ELMO1: variants seen among roughly 807,000 people sequenced by gnomAD.
The protein encoded by ELMO1 is engulfment and cell motility 1.
ELMO1 carries 26 observed loss-of-function variants against 98.9 expected under a neutral mutation model. The ratio of observed to expected loss-of-function variants is 0.26; its 90% confidence interval spans 0.19 to 0.36. ELMO1 has a LOEUF of 0.36. ELMO1 is among the 10% of genes least tolerant of loss of function. ELMO1 has a pLI of 1.00. For synonymous variants in ELMO1, 346 were observed against 346.0 expected, an observed-to-expected ratio of 1.00 and a Z score of 0.00; for missense variants, 627 against 935.2, an observed-to-expected ratio of 0.67 and a Z score of 4.30.
At chr7:37,027,093 C>T (rs1483271216) in intron 15 of ELMO1, among the ~76,000 whole-genome samples, 1 of 152,154 alleles carries the variant, frequency 6.6e-6, no homozygotes, top group African/African-American at 2.4e-5. Context: ...AGGCTCCCCA[C>T]AAGCTTCACC....
At chr7:37,033,442 T>C (rs1197920255) in intron 15 of ELMO1, 2 of 455,096 alleles carry the variant, frequency 4.4e-6, no homozygotes, top group South Asian at 1.6e-5. Flanking sequence ...TTATCATAAA[T>C]GTTGAGCGAA....
intron 20 of ELMO1, among the ~76,000 whole-genome samples, chr7:36,864,572 C>T (rs1802882574): frequency 6.6e-6 from 1 of 152,196 alleles, no homozygotes; most frequent in Non-Finnish European, 1.5e-5. Context: ...AGCTCTTCAG[C>T]ACTTGGAGCG....
intron 6 of ELMO1, among the ~76,000 whole-genome samples, chr7:37,246,729 T>A (rs1219542105): frequency 1.3e-5 from 2 of 152,052 alleles, no homozygotes; most frequent in Non-Finnish European, 2.9e-5. Flanking sequence ...GGCTTTGAGT[T>A]ATTTTACAAC....
At chr7:36,940,605 T>A (rs1786945896) in intron 16 of ELMO1, among the ~76,000 whole-genome samples, 1 of 152,244 alleles carries the variant, frequency 6.6e-6, no homozygotes, top group Non-Finnish European at 1.5e-5. Flanking sequence ...ACTTCAGAGT[T>A]CTGTTGTGAA....
intron 1 of ELMO1, among the ~76,000 whole-genome samples, chr7:37,409,546 G>T (rs757570683): frequency 1.3e-5 from 2 of 152,220 alleles, no homozygotes; most frequent in Admixed American, 6.5e-5. Flanking sequence ...CCACTTGTAA[G>T]ATGGTCACTC....
At chr7:37,186,865 T>C (rs752286593) in intron 13 of ELMO1, among the ~76,000 whole-genome samples, 2 of 152,148 alleles carry the variant, frequency 1.3e-5, no homozygotes, top group African/African-American at 4.8e-5. Context: ...GGTGAGCATA[T>C]ACATTGGTGC....
chr7:37,375,617 A>C, intron 1 of ELMO1: 1 of 1,150,194 alleles, frequency 8.7e-7, no homozygotes, highest in Non-Finnish European at 1.3e-6. Flanking sequence ...ATGCCTAAGC[A>C]CCAGGAGCTG....
chr7:37,327,609 T>A (rs1392875453), intron 2 of ELMO1, among the ~76,000 whole-genome samples: 2 of 152,246 alleles, frequency 1.3e-5, no homozygotes, highest in African/African-American at 2.4e-5. Flanking sequence ...ATTTAGTTTT[T>A]TTATTTTTTT....
At chr7:36,925,352 A>G (rs144556953) in intron 16 of ELMO1, among the ~76,000 whole-genome samples, 2 of 152,208 alleles carry the variant, frequency 1.3e-5, no homozygotes, top group Non-Finnish European at 2.9e-5. Context: ...GCAGCCCTGC[A>G]ATCTATACAT....
intron 16 of ELMO1, among the ~76,000 whole-genome samples, chr7:37,000,436 A>G (rs986612294): frequency 6.6e-6 from 1 of 152,242 alleles, no homozygotes; most frequent in African/African-American, 2.4e-5. Context: ...TAGGACCAGA[A>G]GAGTTCTGGG....
intron 4 of ELMO1, among the ~76,000 whole-genome samples, chr7:37,284,850 G>C (rs1797312352): frequency 6.6e-6 from 1 of 151,960 alleles, no homozygotes; most frequent in African/African-American, 2.4e-5. Context: ...AACCATTCTT[G>C]GCCCTGCTTT....
chr7:37,292,099 C>G lies in ELMO1; in HGVS notation c.193-20217G>C, dbSNP rs1797721957. Among the ~76,000 whole-genome samples, 2 of 125,466 alleles carry G rather than the reference C, an allele frequency of 1.6e-5. 1 individual carries two copies. Among genetic ancestry groups the G allele is most frequent in the South Asian group, 4.8e-4 (2 of 4,130 alleles). 82.3% of individuals were successfully genotyped at this position (125,466 alleles called of 152,430 possible). A position where few individuals can be genotyped will look rare whatever the true frequency, so the allele number is the denominator to read the frequency against. ...AGTACCTGCGATTGCAGGCGCGCAC[C>G]GCCACGCCTGACTGGTTTTCGTATT... On this transcript the variant is annotated intron_variant, in intron 4 of 21. Transcript: ENST00000310758.
At chr7:36,938,045 A>G (rs1467993219) in intron 16 of ELMO1, among the ~76,000 whole-genome samples, 1 of 152,208 alleles carries the variant, frequency 6.6e-6, no homozygotes, top group African/African-American at 2.4e-5. Context: ...CAGACTTGCC[A>G]GTTTATGAAA....
intron 16 of ELMO1, among the ~76,000 whole-genome samples, chr7:36,978,762 T>C (rs1371520949): frequency 1.3e-5 from 2 of 152,220 alleles, no homozygotes; most frequent in Non-Finnish European, 2.9e-5. Flanking sequence ...GGAAACTACA[T>C]ACACATCACT....
At chr7:36,973,792 A>C (rs1240538760) in intron 16 of ELMO1, among the ~76,000 whole-genome samples, 1 of 152,200 alleles carries the variant, frequency 6.6e-6, no homozygotes. Flanking sequence ...CTTGCGAGCC[A>C]GCTGGAGTTC....
chr7:37,230,075 T>C (rs1274811417), intron 8 of ELMO1, among the ~76,000 whole-genome samples: 2 of 152,188 alleles, frequency 1.3e-5, no homozygotes, highest in Non-Finnish European at 2.9e-5. Flanking sequence ...CAGTACTTTT[T>C]TTTCCTTCTC....
chr7:37,191,912 A>ACC (rs1791608756), intron 13 of ELMO1, among the ~76,000 whole-genome samples: 1 of 107,446 alleles, frequency 9.3e-6, no homozygotes, highest in African/African-American at 2.8e-5. Flanking sequence ...GGAAGACTCC[A>ACC]TCACACACAC....
At chr7:37,266,585 T>C (rs867014017) in intron 5 of ELMO1, among the ~76,000 whole-genome samples, 9 of 152,328 alleles carry the variant, frequency 5.9e-5, no homozygotes, top group Middle Eastern at 3.4e-3. Flanking sequence ...CAAAAAAATC[T>C]CATAGTTTGC....
chr7:37,080,163 C>A (rs762090649), intron 15 of ELMO1, among the ~76,000 whole-genome samples: 13 of 152,172 alleles, frequency 8.5e-5, no homozygotes, highest in Non-Finnish European at 1.3e-4. Flanking sequence ...TAACATAAAT[C>A]CTGAATCCAA....
Sources: allele counts gnomAD v4.1 joint callset (sites outside exome capture counted in the v4.1 genomes callset), GRCh38; gene constraint gnomAD v4.1.1; transcripts MANE v1.5; gene names NCBI Gene and HGNC (gene_info 2026-07-23, HGNC 2026-07-21).